Variants in ADGRL2 observed in about 807,000 individuals in gnomAD.
ADGRL2 encodes adhesion G protein-coupled receptor L2, also known as calcium-independent alpha-latrotoxin receptor 2.
ADGRL2 carries 44 observed loss-of-function variants against 157.4 expected under a neutral mutation model. The ratio of observed to expected loss-of-function variants is 0.28; its 90% confidence interval spans 0.22 to 0.36. The LOEUF (loss-of-function observed/expected upper bound fraction) is 0.36. Ranked by LOEUF, ADGRL2 falls within the 10% of genes least tolerant of loss-of-function variation. The pLI is 1.00. For missense variants in ADGRL2, 1,510 were observed against 1,768.9 expected, an observed-to-expected ratio of 0.85 and a Z score of 2.63; for synonymous variants, 585 against 624.7, an observed-to-expected ratio of 0.94 and a Z score of 0.95.
At chr1:81,956,350 G>A (rs1052993933) in intron 11 of ADGRL2, among the ~76,000 whole-genome samples, 1 of 152,146 alleles carries the variant, frequency 6.6e-6, no homozygotes, top group African/African-American at 2.4e-5. Flanking sequence ...GATTTTTTAA[G>A]TAATGAAAGT....
intron 1 of ADGRL2, among the ~76,000 whole-genome samples, chr1:81,378,393 A>G (rs1156693696): frequency 6.6e-6 from 1 of 151,686 alleles, no homozygotes; most frequent in Non-Finnish European, 1.5e-5. Flanking sequence ...TCTACAAAAA[A>G]TTAAAATATA....
intron 2 of ADGRL2, among the ~76,000 whole-genome samples, chr1:81,451,166 A>T (rs995614698): frequency 6.6e-6 from 1 of 152,076 alleles, no homozygotes; most frequent in Non-Finnish European, 1.5e-5. Context: ...TGTTTCTCAA[A>T]TCTTTATTGT....
At chr1:81,785,340 A>G (rs2149395577) in intron 2 of ADGRL2, among the ~76,000 whole-genome samples, 1 of 152,338 alleles carries the variant, frequency 6.6e-6, no homozygotes, top group African/African-American at 2.4e-5. Context: ...CAATGTGCAC[A>G]GAGGGTCTTT....
chr1:81,325,285 C>T (rs1660817701), intron 1 of ADGRL2, among the ~76,000 whole-genome samples: 1 of 152,138 alleles, frequency 6.6e-6, no homozygotes, highest in Non-Finnish European at 1.5e-5. Flanking sequence ...TAAGTTTCCC[C>T]TCACAGTACC....
At position 81,575,713 on chromosome 1, in the gene ADGRL2, T is replaced by C. The variant is rs182941316; in HGVS notation, c.-247-5163T>C. On this transcript the variant is annotated intron_variant, in intron 2 of 24. Coordinates refer to the ADGRL2 transcript ENST00000370721. ...GTTGGTATAGTTACAGTGAGATCAT[T>C]AATGTAAATATAGGAATATAATATA... Among the ~76,000 whole-genome samples, 8 of 152,248 alleles carry C rather than the reference T, an allele frequency of 5.3e-5. No homozygotes were observed. In the East Asian group the frequency reaches 1.5e-3, roughly 29 times the overall value.
intron 1 of ADGRL2, among the ~76,000 whole-genome samples, chr1:81,352,615 A>G (rs1410089): frequency 0.75 from 114,657 of 152,062 alleles, 43,991 homozygotes; most frequent in African/African-American, 0.84. Context: ...TTAAATAAGG[A>G]TTAGTGTTAT....
At chr1:81,951,218 C>T (rs1373285825) in intron 8 of ADGRL2, 97 bp downstream of exon 8, 4 of 786,908 alleles carry the variant, frequency 5.1e-6, no homozygotes, top group Admixed American at 4.8e-5. Flanking sequence ...AGCTTTATTG[C>T]TCTTTGTTCA....
At chr1:81,419,125 A>G (rs1225159950) in intron 1 of ADGRL2, among the ~76,000 whole-genome samples, 2 of 152,202 alleles carry the variant, frequency 1.3e-5, no homozygotes, top group Non-Finnish European at 2.9e-5. Flanking sequence ...AATAAAGTGT[A>G]AAGTGGAGCA....
chr1:81,900,980 T>TG (rs2094474875), intron 2 of ADGRL2, among the ~76,000 whole-genome samples: 1 of 152,000 alleles, frequency 6.6e-6, no homozygotes. Context: ...CCACACACTG[T>TG]GAGGGCAGAG....
chr1:81,426,944 A>G, intron 1 of ADGRL2: 1 of 724,918 alleles, frequency 1.4e-6, no homozygotes, highest in Non-Finnish European at 2.5e-6. Context: ...ACAGAGTGAA[A>G]AAAAGGAAGG....
intron 1 of ADGRL2, among the ~76,000 whole-genome samples, chr1:81,364,513 C>A (rs1288393584): frequency 6.6e-6 from 1 of 151,754 alleles, no homozygotes. Context: ...AAAAACAGTT[C>A]TTTTGAATAC....
At chr1:81,472,201 T>C (rs1156892750) in intron 2 of ADGRL2, among the ~76,000 whole-genome samples, 2 of 152,250 alleles carry the variant, frequency 1.3e-5, no homozygotes, top group South Asian at 2.1e-4. Context: ...GATGTTACTT[T>C]ACTAGATGAT....
upstream of ADGRL2, among the ~76,000 whole-genome samples, chr1:81,698,131 A>G (rs1014985686): frequency 6.6e-6 from 1 of 152,204 alleles, no homozygotes; most frequent in Non-Finnish European, 1.5e-5. Context: ...AATAACTTTC[A>G]TGTGGAATAA....
chr1:81,762,642 A>C (rs934777161), intron 2 of ADGRL2, among the ~76,000 whole-genome samples: 1 of 152,170 alleles, frequency 6.6e-6, no homozygotes, highest in African/African-American at 2.4e-5. Flanking sequence ...CTTTGACATC[A>C]AAGTGTTAGG....
chr1:81,462,090 C>G (rs1273864938), intron 2 of ADGRL2, among the ~76,000 whole-genome samples: 1 of 152,040 alleles, frequency 6.6e-6, no homozygotes, highest in East Asian at 1.9e-4. Context: ...CTGTGTCCAG[C>G]TAGAGGATTG....
rs374032002 is a variant in ADGRL2, at chr1:81,814,750, G to T, written c.-101+13682G>T. On this transcript the variant is annotated intron_variant, in intron 1 of 23. Coordinates refer to ENST00000686636, the MANE Select transcript of ADGRL2 (RefSeq NM_001366006.2). ...TTTCTCAAATTGAAATCTTAACAAA[G>T]GTATAAAAAATACTTTTTATTATCT... is the stretch of plus-strand genomic sequence containing the variant. Among the ~76,000 whole-genome samples the T allele has an allele frequency of 1.3e-3, 200 of 151,238 alleles. 9 individuals are homozygous for T. The South Asian group carries it at 0.038, about 29-fold the overall frequency.
chr1:81,846,116 CA>C (rs2092777065), intron 2 of ADGRL2, among the ~76,000 whole-genome samples: 1 of 151,558 alleles, frequency 6.6e-6, no homozygotes, highest in African/African-American at 2.4e-5. Context: ...TTAAACCAAC[CA>C]GTAAGAATTA....
chr1:81,430,161 G>C (rs1253725844), intron 1 of ADGRL2, among the ~76,000 whole-genome samples: 1 of 152,212 alleles, frequency 6.6e-6, no homozygotes, highest in Non-Finnish European at 1.5e-5. Flanking sequence ...CCAAAGTGCT[G>C]GGATTACAGG....
Position 81,785,882 on chromosome 1 carries a change from G to T in ADGRL2, c.-101+24030G>T, listed in dbSNP as rs533871745. On this transcript the variant is annotated intron_variant, in intron 2 of 20. Transcript: ENST00000359929. Reference sequence around the variant, plus strand: ...CAGTGATTTGGAGGCCGAGGCAGGAGGATCACTTGAGCCCAGGAGTTTGCA... The same window carrying T: ...CAGTGATTTGGAGGCCGAGGCAGGATGATCACTTGAGCCCAGGAGTTTGCA... 6.6e-5 allele frequency among the ~76,000 whole-genome samples: 10 copies of T among 152,096 alleles called. No homozygotes were observed. In the South Asian group the frequency reaches 2.1e-3, roughly 32 times the overall value.
Sources: allele counts gnomAD v4.1 joint callset (sites outside exome capture counted in the v4.1 genomes callset), GRCh38; gene constraint gnomAD v4.1.1; transcripts MANE v1.5; gene names NCBI Gene and HGNC (gene_info 2026-07-23, HGNC 2026-07-21).